ATG3: variants seen among roughly 807,000 people sequenced by gnomAD.
ATG3 encodes ubiquitin-like-conjugating enzyme ATG3.
In ATG3, 25 loss-of-function variants were observed where a neutral mutation model predicts 50.7. That is an observed-to-expected ratio of 0.49 (90% CI 0.36 to 0.69). The LOEUF (loss-of-function observed/expected upper bound fraction) is 0.69. Among genes scored for constraint, ATG3 ranks in the 30% least tolerant of loss-of-function variants. The pLI, the probability that ATG3 is intolerant of heterozygous loss-of-function variation, is 0.00. For missense variants in ATG3, 281 were observed against 376.0 expected, an observed-to-expected ratio of 0.75 and a Z score of 2.09; for synonymous variants, 119 against 125.5, an observed-to-expected ratio of 0.95 and a Z score of 0.34.
At chr3:112,545,901 TTAAG>T (rs1933355975) in intron 5 of ATG3, among the ~76,000 whole-genome samples, 1 of 152,132 alleles carries the variant, frequency 6.6e-6, no homozygotes, top group Admixed American at 6.5e-5. Context: ...TGATGAACAT[TTAAG>T]TAAGTAGACT....
At chr3:112,559,843 G>A (rs745635540) in intron 1 of ATG3, among the ~76,000 whole-genome samples, 7 of 152,222 alleles carry the variant, frequency 4.6e-5, no homozygotes, top group African/African-American at 9.6e-5. Flanking sequence ...TTTACTGCAT[G>A]TACATACTCC....
intron 2 of ATG3, among the ~76,000 whole-genome samples, chr3:112,556,288 G>A (rs1305759540): frequency 6.6e-6 from 1 of 152,232 alleles, no homozygotes; most frequent in Non-Finnish European, 1.5e-5. Flanking sequence ...GAGGTGAGGG[G>A]CGCCTCTGCC....
chr3:112,554,661 CAGCTCT>C (rs1486251112), intron 2 of ATG3, among the ~76,000 whole-genome samples: 1 of 152,242 alleles, frequency 6.6e-6, no homozygotes, highest in Non-Finnish European at 1.5e-5. Flanking sequence ...TATTTTGCAA[CAGCTCT>C]AGCTTAAAAT....
chr3:112,557,818 GA>G (rs34657779), intron 2 of ATG3, among the ~76,000 whole-genome samples: 10,653 of 146,620 alleles, frequency 0.073, 463 homozygotes, highest in Admixed American at 0.12. Context: ...TTCATTGGCA[GA>G]AAAAAAAAAA....
intron 11 of ATG3, chr3:112,533,007 T>A: frequency 1.7e-6 from 2 of 1,175,622 alleles, no homozygotes; most frequent in Non-Finnish European, 2.1e-6. Context: ...AACTTCTTAA[T>A]GAGTAGGTGT....
chr3:112,534,115 A>C, intron 11 of ATG3, 154 bp downstream of exon 11: 1 of 1,403,002 alleles, frequency 7.1e-7, no homozygotes, highest in Non-Finnish European at 9.2e-7. Context: ...ACAATATAAC[A>C]TTTTCTAAAT....
At chr3:112,554,411 C>T (rs371781780) in intron 2 of ATG3, among the ~76,000 whole-genome samples, 10 of 152,352 alleles carry the variant, frequency 6.6e-5, no homozygotes, top group African/African-American at 2.4e-4. Context: ...TTGTAATTCT[C>T]CCCATCCTTG....
At position 112,561,661 on chromosome 3, in the gene ATG3, G is replaced by A; in HGVS notation, c.-133C>T. 3 of 893,298 alleles carry A rather than the reference G, an allele frequency of 3.4e-6. No homozygotes were observed. The highest frequency in any genetic ancestry group is 3.2e-5 in the South Asian group (2 of 62,734). 55.3% of individuals were successfully genotyped at this position (893,298 alleles called of 1,614,324 possible). On this transcript the variant is annotated 5_prime_UTR_variant, in exon 1 of 12. Coordinates refer to ENST00000283290, the MANE Select transcript of ATG3 (RefSeq NM_022488.5). ...CCGGCTGGCAGCACCCGAGGGGACG[G>A]GACGCGACGCGACGGGACGGGCGGG...
At chr3:112,561,430 G>A in intron 1 of ATG3, 27 bp downstream of exon 1, 1 of 1,609,558 alleles carries the variant, frequency 6.2e-7, no homozygotes, top group Non-Finnish European at 8.5e-7. Context: ...GTGCCTGACA[G>A]CTCCCGGCAA....
At chr3:112,550,569 CAATAA>C (rs1264503222) in intron 3 of ATG3, among the ~76,000 whole-genome samples, 2 of 152,250 alleles carry the variant, frequency 1.3e-5, no homozygotes, top group African/African-American at 4.8e-5. Flanking sequence ...CTCTAAACAA[CAATAA>C]AATATGCTGC....
rs1420320753 is a variant in ATG3 at position 112,548,343 on chromosome 3, C to T, written c.343+190G>A. 2.0e-5 allele frequency among the ~76,000 whole-genome samples: 3 copies of T among 151,768 alleles called. No individual in the cohort carries two copies. In the East Asian group the frequency reaches 5.8e-4, roughly 29 times the overall value. On this transcript the variant is annotated intron_variant, in intron 5 of 11. Transcript: ENST00000283290. Reference sequence around the variant, plus strand: ...TGGTGACAGAGCAAGACTCTTGTCTCAAAAAAAGAAATAAATTTGGCATAC... The same window carrying T: ...TGGTGACAGAGCAAGACTCTTGTCTTAAAAAAAGAAATAAATTTGGCATAC...
intron 10 of ATG3, chr3:112,535,187 C>T (rs1932992432): frequency 6.6e-6 from 1 of 152,064 alleles, no homozygotes; most frequent in African/African-American, 2.4e-5. Flanking sequence ...AATAATGCTG[C>T]TTCAGTTTTT....
At chr3:112,558,600 T>C (rs1933751733) in intron 1 of ATG3, among the ~76,000 whole-genome samples, 183 bp from the exon 2 acceptor site, 1 of 152,178 alleles carries the variant, frequency 6.6e-6, no homozygotes, top group African/African-American at 2.4e-5. Flanking sequence ...TTGGTATCTA[T>C]CTATATCTAT....
Position 112,561,656 on chromosome 3 carries a change from G to T in ATG3, c.-128C>A. 1 of 955,228 alleles carries T rather than the reference G, an allele frequency of 1.0e-6. No homozygotes were observed. Among genetic ancestry groups the T allele is most frequent in the Non-Finnish European group, 1.5e-6 (1 of 646,162 alleles). The allele number at this position is 955,228 out of a possible 1,614,324, so 59.2% of individuals were successfully genotyped here. On this transcript the variant is annotated 5_prime_UTR_variant, in exon 1 of 12. Transcript: ENST00000283290. ...AGCACCCGGCTGGCAGCACCCGAGG[G>T]GACGGGACGCGACGCGACGGGACGG...
chr3:112,541,394 A>G (rs1054033842), intron 7 of ATG3, among the ~76,000 whole-genome samples: 1 of 152,192 alleles, frequency 6.6e-6, no homozygotes, highest in East Asian at 1.9e-4. Flanking sequence ...AAAAAAAGAA[A>G]AAAAAAAGGC....
chr3:112,533,100 C>T, intron 11 of ATG3: 3 of 1,003,452 alleles, frequency 3.0e-6, no homozygotes, highest in Admixed American at 5.9e-5. Context: ...ATTTACTAGA[C>T]TCCTTTAAGT....
chr3:112,558,442 A>T (rs201656809), intron 1 of ATG3, 25 bp from the exon 2 acceptor site: 1 of 1,509,408 alleles, frequency 6.6e-7, no homozygotes, highest in Non-Finnish European at 9.2e-7. Flanking sequence ...AAGAAAAACA[A>T]TATTATATCA....
At chr3:112,556,481 A>C (rs1313716189) in intron 2 of ATG3, among the ~76,000 whole-genome samples, 1 of 151,934 alleles carries the variant, frequency 6.6e-6, no homozygotes, top group East Asian at 1.9e-4. Context: ...CCTACTGGGA[A>C]GTGAGGAGCC....
chr3:112,538,566 T>G (rs1933139640), intron 7 of ATG3, among the ~76,000 whole-genome samples: 1 of 152,226 alleles, frequency 6.6e-6, no homozygotes, highest in South Asian at 2.1e-4. Context: ...TGGAACATAC[T>G]TTCTTTCCTT....
Sources: allele counts gnomAD v4.1 joint callset (sites outside exome capture counted in the v4.1 genomes callset), GRCh38; gene constraint gnomAD v4.1.1; transcripts MANE v1.5; gene names NCBI Gene and HGNC (gene_info 2026-07-23, HGNC 2026-07-21).